The following AKT3 variants were observed in gnomAD, a reference collection of about 807,000 sequenced individuals.
AKT3 encodes the protein AKT serine/threonine kinase 3.
A neutral mutation model predicts 65.3 loss-of-function variants in AKT3; 15 were observed. That is an observed-to-expected ratio of 0.23 (90% CI 0.15 to 0.35). AKT3 has a LOEUF of 0.35. Among genes scored for constraint, AKT3 ranks in the 10% least tolerant of loss-of-function variants. AKT3 has a pLI of 1.00. For missense variants in AKT3, 243 were observed against 576.5 expected, an observed-to-expected ratio of 0.42 and a Z score of 5.92; for synonymous variants, 206 against 183.8, an observed-to-expected ratio of 1.12 and a Z score of -0.98.
intron 3 of AKT3, among the ~76,000 whole-genome samples, chr1:243,679,698 A>G (rs1011739877): frequency 2.0e-5 from 3 of 152,218 alleles, no homozygotes; most frequent in Admixed American, 6.5e-5. Context: ...ATGTAACTAA[A>G]GTTGCCTGGA....
intron 2 of AKT3, among the ~76,000 whole-genome samples, chr1:243,731,505 A>G (rs1687566012): frequency 1.3e-5 from 2 of 152,182 alleles, no homozygotes; most frequent in South Asian, 2.1e-4. Flanking sequence ...AGCTTGAAAC[A>G]AGGAAGTACA....
At chr1:243,649,362 T>C (rs1267050948) in intron 4 of AKT3, among the ~76,000 whole-genome samples, 1 of 140,890 alleles carries the variant, frequency 7.1e-6, no homozygotes, top group Non-Finnish European at 1.6e-5. Flanking sequence ...TGTGTGTATG[T>C]TGGGTGTGTG....
At position 243,621,506 on chromosome 1, in the gene AKT3, C is replaced by T. The variant is rs370507740; in HGVS notation, c.562-6345G>A. 3.6e-4 allele frequency among the ~76,000 whole-genome samples: 55 copies of T among 152,244 alleles called. 1 individual carries two copies. The highest frequency in any genetic ancestry group is 1.4e-3 in the East Asian group (7 of 5,172). On this transcript the variant is annotated intron_variant, in intron 6 of 13. Coordinates refer to ENST00000673466, the MANE Select transcript of AKT3 (RefSeq NM_005465.7). ...CTCAGAATTCTCTTCACTGGGTACA[C>T]TCTTCCTTTGGTAAACTCATTCAGA...
chr1:243,637,741 G>T lies in AKT3; in HGVS notation c.431C>A (p.Thr144Lys). ...TTTCAAATAGTCAAAATCATTCATTGTCTGAAAAATACAAATTAAAAAATA... is the reference window on the plus strand; with the variant it reads ...TTTCAAATAGTCAAAATCATTCATTTTCTGAAAAATACAAATTAAAAAATA... ...DASTTHHKRKTMNDFDYLKLL... is the reference protein window; with the variant it reads ...DASTTHHKRKKMNDFDYLKLL... Residue 144 changes from threonine to lysine, a missense_variant and splice_region_variant, in exon 6 of 14, where the codon ACA becomes AAA. Thr to Lys is a moderately conservative substitution (Grantham distance 78, BLOSUM62 -1). Around this residue, in one of 6 missense-constraint regions of AKT3, gnomAD observed 72 missense variants for 86.0 expected, o/e 0.84. Coordinates refer to ENST00000673466, the MANE Select transcript of AKT3 (RefSeq NM_005465.7). 1 of 1,529,192 alleles carries T rather than the reference G, an allele frequency of 6.5e-7. No individual in the cohort carries two copies. The highest frequency in any genetic ancestry group is 9.0e-7 in the Non-Finnish European group (1 of 1,112,842). The allele number at this position is 1,529,192 out of a possible 1,614,324, so 94.7% of individuals were successfully genotyped here.
chr1:243,507,782 A>G (rs1273104725), intron 13 of AKT3, among the ~76,000 whole-genome samples: 1 of 152,240 alleles, frequency 6.6e-6, no homozygotes, highest in Non-Finnish European at 1.5e-5. Context: ...AAATGGCATT[A>G]TATGGCAGTA....
intron 2 of AKT3, among the ~76,000 whole-genome samples, chr1:243,718,289 G>A (rs1456134548): frequency 6.6e-6 from 1 of 152,082 alleles, no homozygotes; most frequent in Non-Finnish European, 1.5e-5. Context: ...ACAAGCCAAC[G>A]ATTGTATGCA....
chr1:243,744,602 A>G (rs1012926440), intron 2 of AKT3, among the ~76,000 whole-genome samples: 6 of 150,750 alleles, frequency 4.0e-5, no homozygotes, highest in Admixed American at 6.6e-5. Flanking sequence ...AGCCGGGCGT[A>G]GTGGCGGGCG....
intron 2 of AKT3, among the ~76,000 whole-genome samples, chr1:243,746,186 CAT>C (rs1390238025): frequency 6.6e-6 from 1 of 152,096 alleles, no homozygotes; most frequent in African/African-American, 2.4e-5. Context: ...TATTTTCTAA[CAT>C]GTTTGTCTCC....
chr1:243,577,603 C>G (rs1675034181), intron 8 of AKT3, among the ~76,000 whole-genome samples: 1 of 152,148 alleles, frequency 6.6e-6, no homozygotes, highest in Non-Finnish European at 1.5e-5. Flanking sequence ...AGAATAAAAT[C>G]TAGGCAATAC....
chr1:243,554,774 T>C (rs900337617), intron 10 of AKT3, among the ~76,000 whole-genome samples: 3 of 152,050 alleles, frequency 2.0e-5, no homozygotes, highest in Non-Finnish European at 4.4e-5. Flanking sequence ...AAATGTGGTT[T>C]TTAACCTCTT....
chr1:243,522,966 G>C (rs1670814636), intron 12 of AKT3, among the ~76,000 whole-genome samples: 1 of 152,070 alleles, frequency 6.6e-6, no homozygotes, highest in Admixed American at 6.6e-5. Context: ...ATGAATGCTG[G>C]AGAGACCCAG....
At chr1:243,805,436 A>G (rs1692664431) in intron 2 of AKT3, among the ~76,000 whole-genome samples, 2 of 152,110 alleles carry the variant, frequency 1.3e-5, no homozygotes, top group Admixed American at 1.3e-4. Context: ...TAAAAAAAAT[A>G]TTTCACTTAA....
At chr1:243,688,892 A>G (rs1684509744) in intron 3 of AKT3, among the ~76,000 whole-genome samples, 1 of 152,114 alleles carries the variant, frequency 6.6e-6, no homozygotes, top group African/African-American at 2.4e-5. Context: ...TTCACAAAAC[A>G]AGCTACTCCT....
At chr1:243,550,329 A>G (rs974461951) in intron 11 of AKT3, among the ~76,000 whole-genome samples, 3 of 152,222 alleles carry the variant, frequency 2.0e-5, no homozygotes, top group South Asian at 2.1e-4. Context: ...CATTAGATCA[A>G]TATCAACCTC....
chr1:243,733,548 A>G (rs563796993), intron 2 of AKT3, among the ~76,000 whole-genome samples: 6 of 152,350 alleles, frequency 3.9e-5, no homozygotes, highest in African/African-American at 7.2e-5. Flanking sequence ...CAGAATGCCA[A>G]TAAGTATAAG....
intron 2 of AKT3, among the ~76,000 whole-genome samples, chr1:243,806,119 CTG>C (rs980919075): frequency 2.6e-5 from 4 of 152,280 alleles, no homozygotes; most frequent in African/African-American, 9.6e-5. Flanking sequence ...GCCCCTTCCT[CTG>C]TGAAGCCTTT....
chr1:243,754,726 A>G (rs1224324327), intron 2 of AKT3, among the ~76,000 whole-genome samples: 1 of 152,164 alleles, frequency 6.6e-6, no homozygotes, highest in African/African-American at 2.4e-5. Flanking sequence ...GATGGTCTGA[A>G]GTGCAACAGT....
chr1:243,719,449 A>G (rs1362612263), intron 2 of AKT3, among the ~76,000 whole-genome samples: 1 of 152,186 alleles, frequency 6.6e-6, no homozygotes, highest in Non-Finnish European at 1.5e-5. Context: ...GTTCAACTTT[A>G]GTTTTCCTGA....
At chr1:243,529,704 A>C (rs1289680706) in intron 12 of AKT3, among the ~76,000 whole-genome samples, 1 of 152,178 alleles carries the variant, frequency 6.6e-6, no homozygotes, top group Non-Finnish European at 1.5e-5. Flanking sequence ...CCTGCAGTAT[A>C]GTTCAAAGTT....
Sources: gnomAD v4.1 joint callset for allele counts (sites outside exome capture counted in the v4.1 genomes callset) on GRCh38, gnomAD v4.1.1 for gene constraint, gnomAD v4.1.1 regional missense constraint, MANE v1.5 for transcripts, NCBI Gene and HGNC (gene_info 2026-07-23, HGNC 2026-07-21) for gene names.